Variants in ACYP2 observed in about 807,000 individuals in gnomAD.
ACYP2 encodes the protein acylphosphatase 2, also known as acylphosphatase-2.
Under a neutral mutation model 11.2 loss-of-function variants are expected in ACYP2, and 12 were observed. The ratio of observed to expected loss-of-function variants is 1.08; its 90% CI spans 0.69 to 1.74. The LOEUF is 1.74. Among genes scored for constraint, ACYP2 ranks in the 40% most tolerant of loss-of-function variants. ACYP2 has a pLI of 0.00. For synonymous variants in ACYP2, 43 were observed against 32.2 expected (o/e 1.33, Z -1.13); for missense variants, 134 against 101.9 (o/e 1.31, Z -1.35).
At chr2:54,115,856 G>A in intron 4 of ACYP2, 100 bp downstream of exon 1, 1 of 1,361,854 alleles carries the variant, frequency 7.3e-7, no homozygotes, top group South Asian at 1.6e-5. Context: ...TTTTCCCGTT[G>A]TGGCTGGGAC....
chr2:54,107,174 G>A (rs560337169), intron 4 of ACYP2, among the ~76,000 whole-genome samples: 9 of 152,086 alleles, frequency 5.9e-5, no homozygotes, highest in Admixed American at 3.9e-4. Flanking sequence ...TAACTAGAGC[G>A]CTAGACATGT....
At chr2:53,998,569 C>G (rs890686723) in intron 2 of ACYP2, among the ~76,000 whole-genome samples, 2 of 152,078 alleles carry the variant, frequency 1.3e-5, no homozygotes. Context: ...AATCCCAGCA[C>G]TTTGGGAGGC....
intron 6 of ACYP2, among the ~76,000 whole-genome samples, chr2:54,260,045 T>A (rs1421975965): frequency 6.6e-6 from 1 of 152,106 alleles, no homozygotes; most frequent in Non-Finnish European, 1.5e-5. Flanking sequence ...GAAGCATTAT[T>A]GGAGGGATGT....
At chr2:54,280,121 G>A (rs1688780336) in intron 6 of ACYP2, among the ~76,000 whole-genome samples, 1 of 152,010 alleles carries the variant, frequency 6.6e-6, no homozygotes, top group Non-Finnish European at 1.5e-5. Context: ...TTTTTTCATT[G>A]CACCTACTAA....
At chr2:54,177,325 A>G (rs1460837037) in intron 6 of ACYP2, among the ~76,000 whole-genome samples, 1 of 152,072 alleles carries the variant, frequency 6.6e-6, no homozygotes, top group Non-Finnish European at 1.5e-5. Context: ...TCATTCTTCT[A>G]CTAAATCCAC....
intron 6 of ACYP2, among the ~76,000 whole-genome samples, chr2:54,162,166 A>G (rs538103824): frequency 5.9e-5 from 9 of 152,150 alleles, no homozygotes; most frequent in Non-Finnish European, 8.8e-5. Context: ...TAAGTTTCCC[A>G]TGTTTATTGT....
At chr2:54,117,618 G>A (rs1428577969) in intron 4 of ACYP2, among the ~76,000 whole-genome samples, 1 of 152,154 alleles carries the variant, frequency 6.6e-6, no homozygotes, top group Non-Finnish European at 1.5e-5. Context: ...GAGAAGACTG[G>A]GGGTGTTTAT....
intron 2 of ACYP2, among the ~76,000 whole-genome samples, chr2:53,986,183 C>T (rs1032577079): frequency 6.6e-6 from 1 of 151,774 alleles, no homozygotes; most frequent in Non-Finnish European, 1.5e-5. Flanking sequence ...TGGCACCTTC[C>T]CTCTTTCTGT....
chr2:54,126,393 G>T (rs1238097829), intron 4 of ACYP2, among the ~76,000 whole-genome samples: 2 of 152,144 alleles, frequency 1.3e-5, no homozygotes, highest in East Asian at 3.9e-4. Context: ...TAAGTCTTTT[G>T]ATGAGATTGA....
At chr2:54,255,704 C>T in intron 6 of ACYP2, 1 of 1,613,932 alleles carries the variant, frequency 6.2e-7, no homozygotes, top group Non-Finnish European at 8.5e-7. Flanking sequence ...TCAGGCTTCA[C>T]GTCCTCGGCC....
At chr2:54,029,375 T>C (rs1210619191) in intron 2 of ACYP2, among the ~76,000 whole-genome samples, 1 of 125,540 alleles carries the variant, frequency 8.0e-6, no homozygotes, top group East Asian at 2.8e-4. Flanking sequence ...ACCAGGTTTC[T>C]TACATTTTAT....
chr2:54,161,917 GTCTT>G (rs1029154360), intron 6 of ACYP2, among the ~76,000 whole-genome samples: 12 of 151,986 alleles, frequency 7.9e-5, no homozygotes, highest in African/African-American at 1.9e-4. Flanking sequence ...AATTTGGTAA[GTCTT>G]TGTTTTAAAA....
At chr2:54,085,401 C>T (rs1033321098) in intron 4 of ACYP2, among the ~76,000 whole-genome samples, 3 of 152,174 alleles carry the variant, frequency 2.0e-5, no homozygotes, top group Admixed American at 6.5e-5. Context: ...CCACCTGTGA[C>T]ATTAAACTGG....
At chr2:54,161,919 C>T (rs1320838426) in intron 6 of ACYP2, among the ~76,000 whole-genome samples, 2 of 151,888 alleles carry the variant, frequency 1.3e-5, no homozygotes, top group Non-Finnish European at 1.5e-5. Flanking sequence ...TTTGGTAAGT[C>T]TTTGTTTTAA....
intron 2 of ACYP2, among the ~76,000 whole-genome samples, chr2:54,026,972 A>G (rs1303810301): frequency 2.0e-5 from 3 of 152,174 alleles, no homozygotes; most frequent in Admixed American, 6.5e-5. Context: ...TGCTTAGGTG[A>G]TGTGTGCGCC....
At chr2:54,123,973 A>C (rs1680310736) in intron 4 of ACYP2, among the ~76,000 whole-genome samples, 1 of 152,204 alleles carries the variant, frequency 6.6e-6, no homozygotes, top group African/African-American at 2.4e-5. Flanking sequence ...GAAGGGAAGA[A>C]TGGGAGAATG....
chr2:54,158,610 C>T (rs1323384060), intron 6 of ACYP2, among the ~76,000 whole-genome samples: 1 of 152,162 alleles, frequency 6.6e-6, no homozygotes, highest in Admixed American at 6.6e-5. Flanking sequence ...ATGTGCTATT[C>T]CCCATATTTT....
chr2:54,000,336 T>C (rs1672744326), intron 2 of ACYP2, among the ~76,000 whole-genome samples: 1 of 152,064 alleles, frequency 6.6e-6, no homozygotes, highest in Non-Finnish European at 1.5e-5. Flanking sequence ...ATGTCAGAGG[T>C]GTGAGGAAGA....
At chr2:54,173,360 G>A (rs1053724530) in intron 6 of ACYP2, among the ~76,000 whole-genome samples, 2 of 152,158 alleles carry the variant, frequency 1.3e-5, no homozygotes, top group Non-Finnish European at 2.9e-5. Context: ...AGAAGTGTCT[G>A]TTTATATCCT....
Sources: gnomAD v4.1 joint callset for allele counts (sites outside exome capture counted in the v4.1 genomes callset) on GRCh38, gnomAD v4.1.1 for gene constraint, MANE v1.5 for transcripts, NCBI Gene and HGNC (gene_info 2026-07-23, HGNC 2026-07-21) for gene names.